The following RGS17 variants were observed in gnomAD, a reference collection of about 807,000 sequenced individuals.
RGS17 encodes regulator of G-protein signaling 17.
RGS17 carries 12 observed loss-of-function variants against 25.5 expected under a neutral mutation model. The observed-to-expected ratio is 0.47, with a 90% CI of 0.30 to 0.76. RGS17 has a LOEUF of 0.76. RGS17 is among the 30% of genes least tolerant of loss of function. The pLI, the probability that RGS17 is intolerant of heterozygous loss-of-function variation, is 0.07. For missense variants in RGS17, 196 were observed against 242.2 expected (o/e 0.81, Z 1.27); for synonymous variants, 71 against 76.9 (o/e 0.92, Z 0.40).
At chr6:153,049,555 T>C (rs1368024656) in intron 1 of RGS17, among the ~76,000 whole-genome samples, 2 of 151,852 alleles carry the variant, frequency 1.3e-5, no homozygotes, top group African/African-American at 4.8e-5. Context: ...ATCGAGACCA[T>C]CCTGGCTAAC....
At chr6:153,092,247 T>C (rs1020193386) in intron 1 of RGS17, among the ~76,000 whole-genome samples, 1 of 152,236 alleles carries the variant, frequency 6.6e-6, no homozygotes, top group African/African-American at 2.4e-5. Context: ...GGTACTTCTT[T>C]GCCTGTATAA....
chr6:153,041,444 A>G (rs1449807451), intron 2 of RGS17, among the ~76,000 whole-genome samples: 1 of 152,134 alleles, frequency 6.6e-6, no homozygotes, highest in African/African-American at 2.4e-5. Flanking sequence ...TTCTCCATCT[A>G]TTGCCTGTGT....
In RGS17 at chr6:153,043,905, G is replaced by A. The variant is rs771871497; in HGVS notation, c.114C>T (p.Cys38=). ...CCFCWCCCCS[C]SCLTVRNEER... is the part of the protein sequence containing the mutation. ...CTACAGGTAACATGACATACCAGGA[G>A]CAGCTGCAACAACAGCACCAACAAA... The change falls in exon 2 of 5, where the codon TGC becomes TGT. Residue 38 remains cysteine, a synonymous_variant. Coordinates refer to ENST00000206262, the MANE Select transcript of RGS17 (RefSeq NM_012419.5). 2 of 1,604,994 alleles carry A rather than the reference G, an allele frequency of 1.2e-6. No homozygotes were observed. Among genetic ancestry groups the A allele is most frequent in the East Asian group, 2.3e-5 (1 of 44,388 alleles).
At chr6:153,064,679 T>G (rs1776683515) in intron 1 of RGS17, among the ~76,000 whole-genome samples, 1 of 151,924 alleles carries the variant, frequency 6.6e-6, no homozygotes, top group Non-Finnish European at 1.5e-5. Flanking sequence ...TGTTCATTAA[T>G]TTTCATTTTG....
intron 1 of RGS17, among the ~76,000 whole-genome samples, chr6:153,126,857 T>C (rs1777711557): frequency 6.6e-6 from 1 of 152,130 alleles, no homozygotes. Context: ...GTGAACTATA[T>C]CACTAAATCG....
intron 1 of RGS17, among the ~76,000 whole-genome samples, chr6:153,096,497 C>CT (rs1777215427): frequency 6.6e-6 from 1 of 152,158 alleles, no homozygotes; most frequent in Non-Finnish European, 1.5e-5. Context: ...GTGTTCATTT[C>CT]TTTATCACGT....
In RGS17 at chr6:153,009,497, A is replaced by G. The variant is rs1434313371; in HGVS notation, c.*2077T>C. 6.6e-6 allele frequency: 1 copy of G among 152,078 alleles called. No individual in the cohort carries two copies. Among genetic ancestry groups the G allele is most frequent in the Non-Finnish European group, 1.5e-5 (1 of 67,896 alleles). 9.4% of individuals were successfully genotyped at this position (152,078 alleles called of 1,614,324 possible). ...TTTAGGTTTTTCTTTACTCTTTAGG[A>G]AAAAATATGACTTTTTGTAAACATC... On this transcript the variant is annotated 3_prime_UTR_variant, in exon 5 of 5. Transcript: ENST00000206262.
chr6:153,060,826 C>T (rs1217915248), intron 1 of RGS17, among the ~76,000 whole-genome samples: 2 of 151,758 alleles, frequency 1.3e-5, no homozygotes, highest in African/African-American at 2.4e-5. Flanking sequence ...TATTTAAAAA[C>T]CCATTATGAA....
intron 2 of RGS17, among the ~76,000 whole-genome samples, chr6:153,037,179 C>T (rs1776255443): frequency 9.5e-6 from 1 of 105,730 alleles, no homozygotes; most frequent in Admixed American, 1.1e-4. Context: ...AAAACACACA[C>T]ACACACACAC....
chr6:153,071,968 T>C (rs1415105809), intron 1 of RGS17, among the ~76,000 whole-genome samples: 1 of 152,112 alleles, frequency 6.6e-6, no homozygotes, highest in Non-Finnish European at 1.5e-5. Context: ...AATAATAAGA[T>C]CTTTGTAGTT....
At chr6:153,052,927 T>A (rs909089822) in intron 1 of RGS17, among the ~76,000 whole-genome samples, 3 of 152,204 alleles carry the variant, frequency 2.0e-5, no homozygotes, top group Non-Finnish European at 4.4e-5. Flanking sequence ...ATTACTCTCC[T>A]GCTCTCTTTC....
intron 1 of RGS17, among the ~76,000 whole-genome samples, chr6:153,060,704 G>A (rs1020598527): frequency 2.2e-4 from 33 of 151,474 alleles, no homozygotes; most frequent in African/African-American, 7.3e-4. Context: ...TCTCTACTAA[G>A]GTTTATCGCA....
rs777044532 is a variant in RGS17 at position 153,011,782 on chromosome 6, A to G, written c.445-20T>C. The G allele has an allele frequency of 8.6e-6, 13 of 1,506,904 alleles. No homozygotes were observed. The East Asian group carries it at 2.5e-4, about 29-fold the overall frequency. 93.3% of individuals were successfully genotyped at this position (1,506,904 alleles called of 1,614,324 possible). On this transcript the variant is annotated intron_variant, in intron 4 of 4. Coordinates refer to ENST00000206262, the MANE Select transcript of RGS17 (RefSeq NM_012419.5). ...ACTGACCTAAAAAGAAACAAGAGCA[A>G]ATACATTAAATAATATTTTTTTCAA... is the stretch of plus-strand genomic sequence containing the variant.
chr6:153,043,683 A>C (rs1475072438), intron 2 of RGS17, among the ~76,000 whole-genome samples: 1 of 152,098 alleles, frequency 6.6e-6, no homozygotes, highest in Non-Finnish European at 1.5e-5. Flanking sequence ...TTTTTACCTT[A>C]TTATCAATTT....
At chr6:153,122,629 G>GT (rs1426518036) in intron 1 of RGS17, among the ~76,000 whole-genome samples, 2 of 151,760 alleles carry the variant, frequency 1.3e-5, no homozygotes, top group Non-Finnish European at 2.9e-5. Context: ...AGACAGTAGG[G>GT]TTTTTTGTTT....
intron 2 of RGS17, among the ~76,000 whole-genome samples, chr6:153,028,603 G>T (rs187634881): frequency 6.6e-6 from 1 of 151,852 alleles, no homozygotes; most frequent in African/African-American, 2.4e-5. Flanking sequence ...AAAGTGGATG[G>T]GGGGGGATAC....
rs1779058206 is a variant in RGS17, at chr6:153,004,932, T to C, written c.*6642A>G. The C allele has an allele frequency of 6.6e-6, 1 of 152,170 alleles. No individual in the cohort carries two copies. Among genetic ancestry groups the C allele is most frequent in the Admixed American group, 6.5e-5 (1 of 15,276 alleles). 9.4% of individuals were successfully genotyped at this position (152,170 alleles called of 1,614,324 possible). On this transcript the variant is annotated 3_prime_UTR_variant, in exon 5 of 5. Transcript: ENST00000206262. The stretch of plus-strand genomic sequence containing the variant: ...GTACAATATATGGATATAGATTAAG[T>C]GTGATGAACATGGTAGTAAAAAATT...
chr6:153,126,910 A>C (rs191112749), intron 1 of RGS17, among the ~76,000 whole-genome samples: 1 of 152,320 alleles, frequency 6.6e-6, no homozygotes, highest in Admixed American at 6.5e-5. Context: ...ACAGCAACAA[A>C]GGAATGTTAA....
At chr6:153,054,654 T>TAAAC (rs1282237943) in intron 1 of RGS17, among the ~76,000 whole-genome samples, 5 of 40,892 alleles carry the variant, frequency 1.2e-4, no homozygotes, top group Non-Finnish European at 2.1e-4. Flanking sequence ...TCATCTCAAA[T>TAAAC]AAATAAATAA....
Sources: allele counts gnomAD v4.1 joint callset (sites outside exome capture counted in the v4.1 genomes callset), GRCh38; gene constraint gnomAD v4.1.1; transcripts MANE v1.5; gene names NCBI Gene and HGNC (gene_info 2026-07-23, HGNC 2026-07-21).